Variants in EFNA5 observed in about 807,000 individuals in gnomAD.
EFNA5 encodes the protein ephrin-A5.
Under a neutral mutation model 22.9 loss-of-function variants are expected in EFNA5, and 5 were observed. The ratio of observed to expected loss-of-function variants is 0.22; its 90% CI spans 0.11 to 0.46. The LOEUF (loss-of-function observed/expected upper bound fraction) is 0.46, where lower values mean the gene tolerates loss of function less well. EFNA5 is among the 20% of genes least tolerant of loss of function. EFNA5 has a pLI of 0.99. For synonymous variants in EFNA5, 113 were observed against 112.2 expected, an observed-to-expected ratio of 1.01 and a Z score of -0.04; for missense variants, 237 against 293.3, an observed-to-expected ratio of 0.81 and a Z score of 1.40.
chr5:107,534,620 T>G (rs1747893068), intron 1 of EFNA5, among the ~76,000 whole-genome samples: 1 of 152,196 alleles, frequency 6.6e-6, no homozygotes, highest in African/African-American at 2.4e-5. Context: ...ATATTATGTC[T>G]GCTTTGTGAT....
At chr5:107,634,184 A>G (rs1750322788) in intron 1 of EFNA5, among the ~76,000 whole-genome samples, 1 of 152,134 alleles carries the variant, frequency 6.6e-6, no homozygotes. Context: ...TGATGCAGAA[A>G]TTCTTCAAGT....
At chr5:107,585,260 A>C (rs940646397) in intron 1 of EFNA5, among the ~76,000 whole-genome samples, 2 of 152,188 alleles carry the variant, frequency 1.3e-5, no homozygotes, top group Admixed American at 6.6e-5. Context: ...ATTCTAAGTT[A>C]ACTTCTAGAA....
intron 1 of EFNA5, among the ~76,000 whole-genome samples, chr5:107,531,647 C>A (rs1747812896): frequency 6.6e-6 from 1 of 152,144 alleles, no homozygotes; most frequent in Non-Finnish European, 1.5e-5. Flanking sequence ...TGGGAATACA[C>A]CAGTGATTTG....
intron 1 of EFNA5, among the ~76,000 whole-genome samples, chr5:107,575,127 G>A (rs1292296416): frequency 6.6e-6 from 1 of 152,098 alleles, no homozygotes; most frequent in African/African-American, 2.4e-5. Context: ...ATTTTTCTTT[G>A]GTCCTGTTCT....
chr5:107,581,977 A>G (rs958410044), intron 1 of EFNA5, among the ~76,000 whole-genome samples: 2 of 152,216 alleles, frequency 1.3e-5, no homozygotes, highest in Non-Finnish European at 2.9e-5. Flanking sequence ...TCAAACTTCT[A>G]TCTCTACAAA....
intron 2 of EFNA5, among the ~76,000 whole-genome samples, chr5:107,402,856 G>A (rs932862645): frequency 2.0e-5 from 3 of 152,204 alleles, no homozygotes; most frequent in Non-Finnish European, 4.4e-5. Context: ...GCCTGAAGTC[G>A]TAACCTTTGT....
At chr5:107,659,585 T>A (rs953671605) in intron 1 of EFNA5, among the ~76,000 whole-genome samples, 1 of 147,476 alleles carries the variant, frequency 6.8e-6, no homozygotes, top group Non-Finnish European at 1.5e-5. Context: ...CTAAAAGCCA[T>A]CAAAAGAGAA....
chr5:107,580,870 T>C (rs1283594473), intron 1 of EFNA5, among the ~76,000 whole-genome samples: 1 of 152,242 alleles, frequency 6.6e-6, no homozygotes, highest in East Asian at 1.9e-4. Flanking sequence ...GTCAATTTGT[T>C]GTTCTCCAAA....
intron 1 of EFNA5, among the ~76,000 whole-genome samples, chr5:107,444,053 C>T (rs152598): frequency 0.24 from 36,772 of 151,948 alleles, 4,748 homozygotes; most frequent in East Asian, 0.53. Flanking sequence ...TGGATGATAA[C>T]ATCATCCATG....
At chr5:107,387,574 T>A in intron 3 of EFNA5, 132 bp downstream of exon 3, 4 of 699,338 alleles carry the variant, frequency 5.7e-6, no homozygotes, top group Non-Finnish European at 1.0e-5. Context: ...AACTAAAATA[T>A]GAATGTTGAT....
At chr5:107,429,141 G>T (rs1317991451) in intron 1 of EFNA5, among the ~76,000 whole-genome samples, 1 of 152,106 alleles carries the variant, frequency 6.6e-6, no homozygotes, top group Admixed American at 6.6e-5. Context: ...GTCCACCCCA[G>T]TAGAAATATA....
At chr5:107,608,858 G>A (rs1749771120) in intron 1 of EFNA5, among the ~76,000 whole-genome samples, 1 of 152,188 alleles carries the variant, frequency 6.6e-6, no homozygotes, top group Non-Finnish European at 1.5e-5. Context: ...CAGTTTCTGT[G>A]AATGTCCAAA....
intron 1 of EFNA5, among the ~76,000 whole-genome samples, chr5:107,582,526 T>C (rs1475226647): frequency 1.3e-5 from 2 of 152,148 alleles, no homozygotes; most frequent in Non-Finnish European, 2.9e-5. Flanking sequence ...AAATGTGGTA[T>C]TGCTCAATTT....
At chr5:107,401,048 G>A (rs929433309) in intron 2 of EFNA5, among the ~76,000 whole-genome samples, 14 of 152,178 alleles carry the variant, frequency 9.2e-5, no homozygotes, top group Admixed American at 2.6e-4. Flanking sequence ...GCATTTTTAG[G>A]AGCTTCTAGC....
At chr5:107,648,677 T>C (rs1750673137) in intron 1 of EFNA5, among the ~76,000 whole-genome samples, 1 of 152,140 alleles carries the variant, frequency 6.6e-6, no homozygotes, top group Non-Finnish European at 1.5e-5. Flanking sequence ...ATAAGGGATG[T>C]TGGATGGTTT....
chr5:107,567,543 G>C (rs892530814), intron 1 of EFNA5, among the ~76,000 whole-genome samples: 1 of 152,158 alleles, frequency 6.6e-6, no homozygotes, highest in Non-Finnish European at 1.5e-5. Flanking sequence ...TGAAGTTTGA[G>C]ACACAGGATC....
chr5:107,436,698 G>A (rs1749119243), intron 1 of EFNA5, among the ~76,000 whole-genome samples: 2 of 151,982 alleles, frequency 1.3e-5, no homozygotes, highest in Admixed American at 1.3e-4. Context: ...CACAGACCCA[G>A]CAAAAGGAGA....
At chr5:107,387,636 C>T (rs1307834647) in intron 3 of EFNA5, 70 bp downstream of exon 3, 13 of 1,157,186 alleles carry the variant, frequency 1.1e-5, no homozygotes, top group South Asian at 5.5e-5. Flanking sequence ...GTTTTACCGC[C>T]GTGAACCAGA....
chr5:107,426,322 G>A (rs548331753), intron 2 of EFNA5, among the ~76,000 whole-genome samples: 4 of 152,292 alleles, frequency 2.6e-5, no homozygotes, highest in Admixed American at 1.3e-4. Context: ...GCTTAAAGTA[G>A]CTACCACCTA....
Sources: allele counts gnomAD v4.1 joint callset (sites outside exome capture counted in the v4.1 genomes callset), GRCh38; gene constraint gnomAD v4.1.1; transcripts MANE v1.5; gene names NCBI Gene and HGNC (gene_info 2026-07-23, HGNC 2026-07-21).